Variants in FAP observed in about 807,000 individuals in gnomAD.
The protein encoded by FAP is fibroblast activation protein alpha.
Under a neutral mutation model 126.5 loss-of-function variants are expected in FAP, and 110 were observed. The ratio of observed to expected loss-of-function variants is 0.87; its 90% CI spans 0.74 to 1.02. The LOEUF is 1.02. FAP is among the 50% of genes least tolerant of loss of function. FAP has a pLI of 0.00. For synonymous variants in FAP, 334 were observed against 297.3 expected, an observed-to-expected ratio of 1.12 and a Z score of -1.27; for missense variants, 919 against 909.2, an observed-to-expected ratio of 1.01 and a Z score of -0.14.
chr2:162,223,234 G>A (rs1312203021), intron 6 of FAP, among the ~76,000 whole-genome samples: 4 of 151,890 alleles, frequency 2.6e-5, no homozygotes, highest in South Asian at 2.1e-4. Flanking sequence ...TCTCTCTCCC[G>A]CCCTTCCTCC....
intron 15 of FAP, among the ~76,000 whole-genome samples, chr2:162,199,485 T>C (rs3788973): frequency 0.035 from 5,386 of 152,306 alleles, 474 homozygotes; most frequent in Admixed American, 0.21. Context: ...ACATTGGCCC[T>C]ACACTCACCC....
intron 6 of FAP, among the ~76,000 whole-genome samples, chr2:162,222,875 A>G (rs1446054479): frequency 6.6e-6 from 1 of 152,072 alleles, no homozygotes; most frequent in Non-Finnish European, 1.5e-5. Context: ...AAACAAATTG[A>G]CCTACTTTGC....
At chr2:162,233,007 G>A (rs547415984) in intron 2 of FAP, among the ~76,000 whole-genome samples, 2 of 152,030 alleles carry the variant, frequency 1.3e-5, no homozygotes, top group East Asian at 1.9e-4. Context: ...ACTTTCCTAG[G>A]TCATTTCGTT....
chr2:162,207,245 T>TA (rs1174532910), intron 12 of FAP, among the ~76,000 whole-genome samples: 2 of 152,184 alleles, frequency 1.3e-5, no homozygotes, highest in Non-Finnish European at 2.9e-5. Flanking sequence ...TGTCAGAACT[T>TA]ACAAAAGCTA....
chr2:162,217,367 T>G (rs548025334), intron 9 of FAP, among the ~76,000 whole-genome samples: 4 of 152,330 alleles, frequency 2.6e-5, no homozygotes, highest in Non-Finnish European at 5.9e-5. Flanking sequence ...GATATAATGC[T>G]TCTTCACTGA....
rs1476994577 is a variant in FAP, at chr2:162,223,606, A to G, written c.413+2T>C. The G allele has an allele frequency of 6.4e-7, 1 of 1,567,974 alleles. No homozygotes were observed. Among genetic ancestry groups the G allele is most frequent in the South Asian group, 1.1e-5 (1 of 90,020 alleles). The stretch of plus-strand genomic sequence containing the variant: ...TAGTATTAATAAACAGAGGTGATTT[A>G]CCCATTGCTAAGGTCATAGATGTAA... On this transcript the variant is annotated splice_donor_variant, in intron 6 of 25. Transcript: ENST00000188790. LOFTEE classifies it high-confidence loss of function.
At chr2:162,224,634 C>G (rs997374313) in intron 4 of FAP, 94 bp from the exon 5 acceptor site, 2 of 655,768 alleles carry the variant, frequency 3.0e-6, no homozygotes, top group Non-Finnish European at 5.1e-6. Context: ...TATCAACATA[C>G]TCCTACATGC....
chr2:162,185,173 A>T (rs1028690903), intron 20 of FAP, among the ~76,000 whole-genome samples: 1 of 152,184 alleles, frequency 6.6e-6, no homozygotes, highest in Non-Finnish European at 1.5e-5. Flanking sequence ...TCAGTAACAA[A>T]TGAAAAGGAT....
At chr2:162,235,249 C>T (rs1236173899) in intron 2 of FAP, among the ~76,000 whole-genome samples, 1 of 152,158 alleles carries the variant, frequency 6.6e-6, no homozygotes, top group Non-Finnish European at 1.5e-5. Flanking sequence ...GCACTTCCCC[C>T]TGCTCCACAG....
chr2:162,198,360 A>G (rs1012811198), intron 16 of FAP: 2 of 1,280,814 alleles, frequency 1.6e-6, no homozygotes, highest in East Asian at 5.5e-5. Flanking sequence ...CAACCATTTT[A>G]TCAGAGAACA....
chr2:162,221,524 CAA>C, intron 6 of FAP: 44 of 323,490 alleles, frequency 1.4e-4, no homozygotes, highest in South Asian at 2.7e-4. Flanking sequence ...GACCCTGTCT[CAA>C]AAAAAAAAAT....
Position 162,219,846 on chromosome 2 carries a change from C to A in FAP, c.486+7G>T, listed in dbSNP as rs754020351. The A allele has an allele frequency of 9.4e-6, 15 of 1,593,140 alleles. No homozygotes were observed. The highest frequency in any genetic ancestry group is 8.6e-7 in the Non-Finnish European group (1 of 1,162,788). ...TGATTAAACACTTCAAAAATTTAAACACTTACTAATTTACTCCCAACAGGC... is the reference window on the plus strand; with the variant it reads ...TGATTAAACACTTCAAAAATTTAAAAACTTACTAATTTACTCCCAACAGGC... On this transcript the variant is annotated splice_region_variant and intron_variant, in intron 7 of 25. Transcript: ENST00000188790.
At chr2:162,223,509 A>G (rs1429334673) in intron 6 of FAP, 99 bp downstream of exon 6, 25 of 773,432 alleles carry the variant, frequency 3.2e-5, no homozygotes, top group Non-Finnish European at 1.6e-5. Context: ...AACAAAGATC[A>G]TTAAGAAGAT....
chr2:162,179,812 A>ATTTTTTTTTT (rs1206502227), intron 21 of FAP, among the ~76,000 whole-genome samples: 2 of 90,524 alleles, frequency 2.2e-5, no homozygotes, highest in African/African-American at 7.2e-5. Context: ...ATATATATAT[A>ATTTTTTTTTT]TTTTTTTTTT....
At chr2:162,218,999 A>G (rs1689274405) in intron 8 of FAP, 64 bp downstream of exon 8, 1 of 1,320,000 alleles carries the variant, frequency 7.6e-7, no homozygotes, top group Non-Finnish European at 1.0e-6. Flanking sequence ...ATCTTACTAA[A>G]TATATGAAAT....
chr2:162,188,979 T>C (rs1687947532), intron 19 of FAP, 124 bp downstream of exon 19: 1 of 497,488 alleles, frequency 2.0e-6, no homozygotes, highest in South Asian at 4.2e-5. Context: ...AGTTGAAGAA[T>C]ATATAAAAAC....
At position 162,243,412 on chromosome 2, in the gene FAP, G is replaced by T; in HGVS notation, c.-85C>A. Reference sequence around the variant, plus strand: ...TGTGAAAACCGTTGAAAAGGACCAAGTCTGTCTTTGTAGTTGGAAGCTGAA... The same window carrying T: ...TGTGAAAACCGTTGAAAAGGACCAATTCTGTCTTTGTAGTTGGAAGCTGAA... On this transcript the variant is annotated 5_prime_UTR_variant, in exon 1 of 26. Coordinates refer to ENST00000188790, the MANE Select transcript of FAP (RefSeq NM_004460.5). 1.3e-6 allele frequency: 2 copies of T among 1,545,982 alleles called. No individual in the cohort carries two copies. The highest frequency in any genetic ancestry group is 1.3e-5 in the South Asian group (1 of 79,296).
intron 12 of FAP, 59 bp downstream of exon 12, chr2:162,209,893 G>C (rs1688856193): frequency 1.1e-5 from 16 of 1,481,704 alleles, no homozygotes; most frequent in Non-Finnish European, 1.4e-5. Flanking sequence ...ATAGTCCTTT[G>C]ATAGCTGAGA....
chr2:162,181,003 G>A (rs939815587), intron 21 of FAP, among the ~76,000 whole-genome samples: 8 of 152,182 alleles, frequency 5.3e-5, no homozygotes, highest in African/African-American at 1.4e-4. Context: ...GGCCGGATGC[G>A]GTAGCTCATG....
Sources: allele counts gnomAD v4.1 joint callset (sites outside exome capture counted in the v4.1 genomes callset), GRCh38; gene constraint gnomAD v4.1.1; transcripts MANE v1.5; gene names NCBI Gene and HGNC (gene_info 2026-07-23, HGNC 2026-07-21).